Variants in DLGAP2 observed in about 807,000 individuals in gnomAD.
DLGAP2 encodes the protein disks large-associated protein 2.
Under a neutral mutation model 100.3 loss-of-function variants are expected in DLGAP2, and 26 were observed. That is an observed-to-expected ratio of 0.26 (90% CI 0.19 to 0.36). The LOEUF (loss-of-function observed/expected upper bound fraction) is 0.36. Ranked by LOEUF, DLGAP2 falls within the 10% of genes least tolerant of loss-of-function variation. The pLI is 1.00. For synonymous variants in DLGAP2, 886 were observed against 630.1 expected, an observed-to-expected ratio of 1.41 and a Z score of -6.08; for missense variants, 1,858 against 1,453.2, an observed-to-expected ratio of 1.28 and a Z score of -4.53.
intron 3 of DLGAP2, among the ~76,000 whole-genome samples, chr8:1,279,947 C>A (rs1799782804): frequency 6.6e-6 from 1 of 152,088 alleles, no homozygotes; most frequent in African/African-American, 2.4e-5. Context: ...AGGCGCAGAG[C>A]CCAGGAGGTG....
intron 1 of DLGAP2, among the ~76,000 whole-genome samples, chr8:816,603 G>C (rs1253834314): frequency 6.6e-6 from 1 of 152,072 alleles, no homozygotes; most frequent in African/African-American, 2.4e-5. Flanking sequence ...TAATCTGATA[G>C]GTTTTCCTTT....
intron 3 of DLGAP2, among the ~76,000 whole-genome samples, chr8:1,328,486 G>GT (rs1201299960): frequency 2.6e-5 from 4 of 151,636 alleles, no homozygotes; most frequent in African/African-American, 4.8e-5. Context: ...ATTTGTGTGT[G>GT]TTTTTTTGTT....
intron 2 of DLGAP2, among the ~76,000 whole-genome samples, chr8:1,142,852 A>G (rs1404003423): frequency 1.3e-5 from 2 of 152,164 alleles, no homozygotes; most frequent in Non-Finnish European, 1.5e-5. Flanking sequence ...TGCTGGGATC[A>G]TGGCGTGGGG....
At chr8:1,371,150 G>A (rs1802227994) in intron 3 of DLGAP2, among the ~76,000 whole-genome samples, 1 of 152,372 alleles carries the variant, frequency 6.6e-6, no homozygotes, top group South Asian at 2.1e-4. Context: ...CCTCGAGGAA[G>A]AGAGTAAGAC....
At chr8:914,302 G>A (rs1267692341) in intron 2 of DLGAP2, among the ~76,000 whole-genome samples, 3 of 152,198 alleles carry the variant, frequency 2.0e-5, no homozygotes, top group Non-Finnish European at 2.9e-5. Context: ...TCCATGGGCT[G>A]GGGCGCTCTT....
chr8:1,158,507 C>T (rs1214340132), intron 2 of DLGAP2, among the ~76,000 whole-genome samples: 1 of 152,196 alleles, frequency 6.6e-6, no homozygotes, highest in Non-Finnish European at 1.5e-5. Flanking sequence ...TTATACCTTT[C>T]CAGTGGTGTG....
chr8:1,594,677 G>A (rs556595860), intron 6 of DLGAP2, among the ~76,000 whole-genome samples: 11 of 152,218 alleles, frequency 7.2e-5, no homozygotes, highest in African/African-American at 2.6e-4. Context: ...GCCCACCTCG[G>A]CCTCCCAAAG....
intron 3 of DLGAP2, among the ~76,000 whole-genome samples, chr8:1,481,664 G>C (rs956530857): frequency 7.9e-5 from 12 of 151,770 alleles, no homozygotes. Flanking sequence ...TTTTAGTAAA[G>C]ACGGGGTTTC....
At chr8:1,606,806 C>G (rs546149583) in intron 6 of DLGAP2, among the ~76,000 whole-genome samples, 2 of 152,270 alleles carry the variant, frequency 1.3e-5, no homozygotes, top group East Asian at 3.9e-4. Context: ...CCTCAGTGAC[C>G]CCAAGTAGCT....
At chr8:1,179,750 A>G (rs889111565) in intron 2 of DLGAP2, among the ~76,000 whole-genome samples, 4 of 152,256 alleles carry the variant, frequency 2.6e-5, no homozygotes, top group African/African-American at 9.6e-5. Flanking sequence ...TTTATGAAAT[A>G]TAAATGGGAG....
At chr8:1,662,726 G>C (rs904440138) in intron 8 of DLGAP2, among the ~76,000 whole-genome samples, 2 of 152,246 alleles carry the variant, frequency 1.3e-5, no homozygotes, top group Admixed American at 1.3e-4. Flanking sequence ...TTAATGAACT[G>C]CAAAGTATAA....
chr8:1,617,422 A>G (rs1388840516), intron 6 of DLGAP2, among the ~76,000 whole-genome samples: 1 of 152,146 alleles, frequency 6.6e-6, no homozygotes, highest in Admixed American at 6.5e-5. Context: ...AGCCATTCTG[A>G]TGGGTGTGAG....
chr8:981,105 G>C (rs1375708022), intron 2 of DLGAP2, among the ~76,000 whole-genome samples: 1 of 152,086 alleles, frequency 6.6e-6, no homozygotes, highest in African/African-American at 2.4e-5. Context: ...CCCTGCACCT[G>C]TAACCTACTG....
chr8:1,299,545 G>A (rs542274887), intron 3 of DLGAP2, among the ~76,000 whole-genome samples: 1 of 152,200 alleles, frequency 6.6e-6, no homozygotes, highest in Non-Finnish European at 1.5e-5. Context: ...ACTGCAACTC[G>A]GTTTTCAGAA....
At chr8:1,167,247 G>A (rs1002473493) in intron 2 of DLGAP2, among the ~76,000 whole-genome samples, 1 of 152,020 alleles carries the variant, frequency 6.6e-6, no homozygotes, top group Non-Finnish European at 1.5e-5. Flanking sequence ...GCCCCCAAAG[G>A]TCTGACTCCA....
chr8:851,492 A>G (rs1008180191), intron 1 of DLGAP2, among the ~76,000 whole-genome samples: 5 of 152,194 alleles, frequency 3.3e-5, no homozygotes, highest in South Asian at 2.1e-4. Context: ...GGAAGCACCT[A>G]TGTTAGTATA....
chr8:1,210,438 C>T (rs1312544029), intron 2 of DLGAP2, among the ~76,000 whole-genome samples: 1 of 152,224 alleles, frequency 6.6e-6, no homozygotes, highest in Non-Finnish European at 1.5e-5. Flanking sequence ...TTTCCATGTT[C>T]ATTCAAGAGC....
In DLGAP2 at chr8:1,448,246, A is replaced by G. The variant is rs1271772294; in HGVS notation, c.107-53120A>G. 2.0e-5 allele frequency among the ~76,000 whole-genome samples: 3 copies of G among 151,394 alleles called. No individual in the cohort carries two copies. In the East Asian group the frequency reaches 5.8e-4, roughly 29 times the overall value. On this transcript the variant is annotated intron_variant, in intron 3 of 14. Transcript: ENST00000637795. ...TTTAGTGCGGTAAATTTCCCTCTAC[A>G]CACTGCTTTGAATGTGTCCCAGAGA...
intron 3 of DLGAP2, among the ~76,000 whole-genome samples, chr8:1,364,925 G>C (rs2129677196): frequency 6.6e-6 from 1 of 152,288 alleles, no homozygotes; most frequent in African/African-American, 2.4e-5. Flanking sequence ...TGGAACAGCA[G>C]CGAAGCTCCC....
Sources: gnomAD v4.1 joint callset for allele counts (sites outside exome capture counted in the v4.1 genomes callset) on GRCh38, gnomAD v4.1.1 for gene constraint, MANE v1.5 for transcripts, NCBI Gene and HGNC (gene_info 2026-07-23, HGNC 2026-07-21) for gene names.